Variants in DIP2C observed in about 807,000 individuals in gnomAD.
DIP2C encodes disco-interacting protein 2 homolog C.
In DIP2C, 33 loss-of-function variants were observed where a neutral mutation model predicts 192.4. The observed-to-expected ratio is 0.17, with a 90% CI of 0.13 to 0.23. The LOEUF (loss-of-function observed/expected upper bound fraction) is 0.23, where lower values mean the gene tolerates loss of function less well. Ranked by LOEUF, DIP2C falls within the 10% of genes least tolerant of loss-of-function variation. The probability of loss-of-function intolerance (pLI) is 1.00; values close to 1 mark genes in which losing one functional copy is unlikely to be tolerated. For synonymous variants in DIP2C, 979 were observed against 864.1 expected, an observed-to-expected ratio of 1.13 and a Z score of -2.33; for missense variants, 1,537 against 2,110.1, an observed-to-expected ratio of 0.73 and a Z score of 5.32.
chr10:625,980 T>C (rs1223124035), intron 1 of DIP2C, among the ~76,000 whole-genome samples: 3 of 152,162 alleles, frequency 2.0e-5, no homozygotes, highest in African/African-American at 7.2e-5. Context: ...CACAGAGAAC[T>C]GCACCTGATG....
At chr10:330,194 T>C (rs532856615) in intron 29 of DIP2C, among the ~76,000 whole-genome samples, 15 of 152,212 alleles carry the variant, frequency 9.9e-5, no homozygotes, top group Non-Finnish European at 1.5e-4. Context: ...AAGACAATTA[T>C]GGTAATTAAA....
chr10:586,536 C>T (rs1380952469), intron 1 of DIP2C, among the ~76,000 whole-genome samples: 1 of 152,212 alleles, frequency 6.6e-6, no homozygotes, highest in Non-Finnish European at 1.5e-5. Flanking sequence ...TTCTCGGCCT[C>T]CTCCGGGAGG....
chr10:375,177 T>C (rs1432287191), intron 17 of DIP2C, among the ~76,000 whole-genome samples: 2 of 152,234 alleles, frequency 1.3e-5, no homozygotes, highest in Non-Finnish European at 1.5e-5. Flanking sequence ...CGTCCAACAA[T>C]GCAGGTGGGC....
At chr10:358,009 G>C in intron 22 of DIP2C, 72 bp from the exon 23 acceptor site, 4 of 1,157,890 alleles carry the variant, frequency 3.5e-6, no homozygotes, top group Non-Finnish European at 5.0e-6. Flanking sequence ...TCCCACTTTG[G>C]TAAAGACCTT....
intron 1 of DIP2C, among the ~76,000 whole-genome samples, chr10:537,514 G>C (rs1366165918): frequency 6.6e-6 from 1 of 152,116 alleles, no homozygotes; most frequent in African/African-American, 2.4e-5. Context: ...CCTGGCTCCA[G>C]CATCTGCCCC....
At chr10:477,075 T>C (rs1843086527) in intron 2 of DIP2C, among the ~76,000 whole-genome samples, 1 of 143,874 alleles carries the variant, frequency 7.0e-6, no homozygotes, top group Admixed American at 7.0e-5. Context: ...AGACCACAAA[T>C]AAAACTTGAG....
chr10:677,782 A>T (rs1048032416), intron 1 of DIP2C, among the ~76,000 whole-genome samples: 1 of 152,352 alleles, frequency 6.6e-6, no homozygotes, highest in East Asian at 1.9e-4. Flanking sequence ...CAGCCTGGCC[A>T]GGTGTCCAGC....
chr10:470,669 G>C lies in DIP2C; in HGVS notation c.268+1770C>G, dbSNP rs558045125. Among the ~76,000 whole-genome samples, 100 of 152,306 alleles carry C rather than the reference G, an allele frequency of 6.6e-4. No individual in the cohort carries two copies. In the South Asian group the frequency reaches 0.019, roughly 29 times the overall value. ...CACAGGGTTTATCAACACCCCTGCA[G>C]CATCGTGGAGAGAGAGAGAATGTAG... On this transcript the variant is annotated intron_variant, in intron 3 of 36. Transcript: ENST00000280886.
At chr10:676,145 A>G (rs942547317) in intron 1 of DIP2C, among the ~76,000 whole-genome samples, 3 of 152,216 alleles carry the variant, frequency 2.0e-5, no homozygotes, top group African/African-American at 7.2e-5. Context: ...ACATCAACAG[A>G]ATTAAGGACA....
At position 689,241 on chromosome 10, in the gene DIP2C, C is replaced by A. The variant is rs1363181286; in HGVS notation, c.85+253G>T. On this transcript the variant is annotated intron_variant, in intron 1 of 36. Transcript: ENST00000280886. This position sits in a 1 kb window ranked among gnomAD's most constrained non-coding sequence, Gnocchi z 6.1. The stretch of plus-strand genomic sequence containing the variant: ...CCCCAGAGCGCGAGGGGATCCCAGG[C>A]CCCACAGACACCCCCAGGGCGCGGG... 6.6e-6 allele frequency among the ~76,000 whole-genome samples: 1 copy of A among 151,564 alleles called. No homozygotes were observed. The highest frequency in any genetic ancestry group is 2.0e-4 in the East Asian group (1 of 5,120).
chr10:310,583 G>A (rs1277088443), intron 31 of DIP2C, among the ~76,000 whole-genome samples: 2 of 152,206 alleles, frequency 1.3e-5, no homozygotes, highest in Admixed American at 1.3e-4. Context: ...GGGCTCTGCT[G>A]GGGCTCTGGC....
At chr10:422,130 A>C (rs7091790) in intron 5 of DIP2C, among the ~76,000 whole-genome samples, 148,912 of 152,266 alleles carry the variant, frequency 0.98, 72,900 homozygotes, top group Middle Eastern at 1. Context: ...CGACGTGGTA[A>C]GCAGTCGTCT....
In DIP2C at chr10:515,081, T is replaced by A. The variant is rs1441706734; in HGVS notation, c.86-28551A>T. 2.0e-5 allele frequency among the ~76,000 whole-genome samples: 3 copies of A among 152,350 alleles called. No homozygotes were observed. The East Asian group carries it at 5.8e-4, about 29-fold the overall frequency. Reference sequence around the variant, plus strand: ...TCCATAATTTTAACACTTAGTGTTATCACTATTAAGAATTATAAACGTTAA... The same window carrying A: ...TCCATAATTTTAACACTTAGTGTTAACACTATTAAGAATTATAAACGTTAA... On this transcript the variant is annotated intron_variant, in intron 1 of 36. Transcript: ENST00000280886.
chr10:497,650 G>A (rs1322175973), intron 1 of DIP2C, among the ~76,000 whole-genome samples: 1 of 152,200 alleles, frequency 6.6e-6, no homozygotes. Flanking sequence ...ATCCAGAGAA[G>A]CTGAACATGC....
intron 32 of DIP2C, among the ~76,000 whole-genome samples, chr10:294,147 C>T (rs1955631147): frequency 6.6e-6 from 1 of 152,102 alleles, no homozygotes; most frequent in South Asian, 2.1e-4. Context: ...GTTTTCTTCC[C>T]ATAAAAGACA....
chr10:329,860 G>C lies in DIP2C; in HGVS notation c.3585-259C>G, dbSNP rs1284811315. On this transcript the variant is annotated intron_variant, in intron 29 of 36. Transcript: ENST00000280886. Reference sequence around the variant, plus strand: ...GAACACACATTTAAGACTACTAAACGCTGTGATGCTGTGATGTCTCTCAGA... The same window carrying C: ...GAACACACATTTAAGACTACTAAACCCTGTGATGCTGTGATGTCTCTCAGA... 2.0e-5 allele frequency among the ~76,000 whole-genome samples: 3 copies of C among 152,098 alleles called. No homozygotes were observed. The East Asian group carries it at 5.8e-4, about 29-fold the overall frequency.
chr10:325,399 G>A (rs1337874422), intron 31 of DIP2C, among the ~76,000 whole-genome samples: 2 of 152,210 alleles, frequency 1.3e-5, no homozygotes, highest in African/African-American at 4.8e-5. Context: ...GTCACCTGCT[G>A]GAGGGCACGA....
At chr10:604,916 G>C (rs997520402) in intron 1 of DIP2C, among the ~76,000 whole-genome samples, 2 of 152,168 alleles carry the variant, frequency 1.3e-5, no homozygotes, top group Non-Finnish European at 2.9e-5. Flanking sequence ...AGTGGCTATG[G>C]TGCTTCCCAC....
chr10:509,391 C>T (rs917741033), intron 1 of DIP2C, among the ~76,000 whole-genome samples: 1 of 152,200 alleles, frequency 6.6e-6, no homozygotes, highest in Admixed American at 6.5e-5. Context: ...TGGGATTCAA[C>T]CAGGTCCTTC....
Sources: allele counts gnomAD v4.1 joint callset (sites outside exome capture counted in the v4.1 genomes callset), GRCh38; gene constraint gnomAD v4.1.1; non-coding constraint Gnocchi (gnomAD v3.1); transcripts MANE v1.5; gene names NCBI Gene and HGNC (gene_info 2026-07-23, HGNC 2026-07-21).